The following CENPC variants were observed in gnomAD, a reference collection of about 807,000 sequenced individuals.
CENPC encodes CENP-C 1.
In CENPC, 63 loss-of-function variants were observed where a neutral mutation model predicts 112.1. The ratio of observed to expected loss-of-function variants is 0.56; its 90% CI spans 0.46 to 0.69. The LOEUF (loss-of-function observed/expected upper bound fraction) is 0.69. Ranked by LOEUF, CENPC falls within the 30% of genes least tolerant of loss-of-function variation. The pLI is 0.00. For missense variants in CENPC, 1,000 were observed against 1,103.8 expected (o/e 0.91, Z 1.33); for synonymous variants, 333 against 367.6 (o/e 0.91, Z 1.08).
At chr4:67,528,546 C>CATGTAAG (rs1726453041) in intron 5 of CENPC, among the ~76,000 whole-genome samples, 2 of 152,158 alleles carry the variant, frequency 1.3e-5, no homozygotes, top group South Asian at 4.1e-4. Flanking sequence ...ATAAATACCT[C>CATGTAAG]ATGTAAGTAG....
chr4:67,534,676 G>C (rs957961969), intron 4 of CENPC, among the ~76,000 whole-genome samples: 1 of 152,138 alleles, frequency 6.6e-6, no homozygotes, highest in African/African-American at 2.4e-5. Context: ...TACTTACTAG[G>C]CCAAGAGAAA....
At chr4:67,497,399 T>C (rs1052396303) in intron 12 of CENPC, among the ~76,000 whole-genome samples, 8 of 151,990 alleles carry the variant, frequency 5.3e-5, no homozygotes, top group Admixed American at 3.3e-4. Context: ...TAAAAATAAA[T>C]AAATAAAAAT....
chr4:67,512,116 G>C (rs1455230246), intron 9 of CENPC: 1 of 258,232 alleles, frequency 3.9e-6, no homozygotes, highest in African/African-American at 2.3e-5. Flanking sequence ...CATTAAAATA[G>C]CTGGATTATT....
At chr4:67,516,430 A>G (rs1726058932) in intron 7 of CENPC, among the ~76,000 whole-genome samples, 2 of 152,032 alleles carry the variant, frequency 1.3e-5, no homozygotes. Flanking sequence ...ATGTTTAGCC[A>G]TAACAGAAAC....
In CENPC at chr4:67,472,603, T is replaced by C; in HGVS notation, c.*2A>G. 6.7e-7 allele frequency: 1 copy of C among 1,500,884 alleles called. No homozygotes were observed. The highest frequency in any genetic ancestry group is 8.8e-7 in the Non-Finnish European group (1 of 1,130,600). The allele number at this position is 1,500,884 out of a possible 1,614,324, so 93.0% of individuals were successfully genotyped here. A position where few individuals can be genotyped will look rare whatever the true frequency, so the allele number is the denominator to read the frequency against. On this transcript the variant is annotated 3_prime_UTR_variant, in exon 19 of 19. Transcript: ENST00000273853. ...TACATATATTTAAGGTTGGTTGATCTTTCATCTTTTTATCTGAGTAAAAAG... is the reference window on the plus strand; with the variant it reads ...TACATATATTTAAGGTTGGTTGATCCTTCATCTTTTTATCTGAGTAAAAAG...
intron 7 of CENPC, among the ~76,000 whole-genome samples, chr4:67,517,323 G>T (rs1436508140): frequency 6.6e-6 from 1 of 151,424 alleles, no homozygotes; most frequent in Non-Finnish European, 1.5e-5. Flanking sequence ...CACCAAGCCC[G>T]ACTAATTTTT....
intron 14 of CENPC, 70 bp from the exon 15 acceptor site, chr4:67,493,067 T>G (rs940886889): frequency 8.1e-7 from 1 of 1,236,580 alleles, no homozygotes; most frequent in African/African-American, 1.6e-5. Context: ...TCCTTAAATT[T>G]AATATGGCAC....
chr4:67,480,799 G>C (rs187244759), intron 17 of CENPC, among the ~76,000 whole-genome samples: 23 of 152,164 alleles, frequency 1.5e-4, no homozygotes, highest in African/African-American at 5.3e-4. Flanking sequence ...CATAACTCAA[G>C]GTAATAAAAG....
chr4:67,475,051 G>T, intron 17 of CENPC, 73 bp from the exon 18 acceptor site: 1 of 789,352 alleles, frequency 1.3e-6, no homozygotes, highest in Non-Finnish European at 2.0e-6. Context: ...TTAAAATGTA[G>T]TGGGAAGAAT....
chr4:67,529,171 G>A (rs147144500), intron 5 of CENPC, among the ~76,000 whole-genome samples: 35 of 151,970 alleles, frequency 2.3e-4, no homozygotes, highest in African/African-American at 8.4e-4. Context: ...CTTTTATTTG[G>A]GTTGTTTGGT....
intron 4 of CENPC, among the ~76,000 whole-genome samples, chr4:67,532,095 C>T (rs1207733787): frequency 6.6e-6 from 1 of 152,170 alleles, no homozygotes; most frequent in African/African-American, 2.4e-5. Context: ...AGGATATGAA[C>T]AGACACTTCT....
chr4:67,489,023 A>G (rs146041461), intron 17 of CENPC, among the ~76,000 whole-genome samples: 1 of 152,048 alleles, frequency 6.6e-6, no homozygotes, highest in African/African-American at 2.4e-5. Flanking sequence ...TAGTAGCACA[A>G]TTTCAGACTC....
At chr4:67,529,385 C>A (rs898413435) in intron 5 of CENPC, among the ~76,000 whole-genome samples, 2 of 151,986 alleles carry the variant, frequency 1.3e-5, no homozygotes, top group Admixed American at 1.3e-4. Context: ...AGTGCAGTGG[C>A]GCAATCTTCG....
In CENPC at chr4:67,539,850, G is replaced by C; in HGVS notation, c.221C>G (p.Pro74Arg). The change falls in exon 4 of 19, where the codon CCA (proline) becomes CGA (arginine). Residue 74 changes from proline (P) to arginine (R), a missense_variant. Pro to Arg is a moderately radical substitution (Grantham distance 103). Coordinates refer to ENST00000273853, the MANE Select transcript of CENPC (RefSeq NM_001812.4). ...RKIKDTCIQS[P>R]SKECQKSHPK... ...TTCTTTATCACTTACCTCTTTGCTT[G>C]GTGACTGAATACAAGTGTCTTTTAT... The C allele has an allele frequency of 6.6e-7, 1 of 1,516,892 alleles. No homozygotes were observed. Among genetic ancestry groups the C allele is most frequent in the Non-Finnish European group, 8.9e-7 (1 of 1,128,272 alleles). The allele number at this position is 1,516,892 out of a possible 1,614,324, so 94.0% of individuals were successfully genotyped here.
intron 17 of CENPC, among the ~76,000 whole-genome samples, chr4:67,477,056 C>T (rs932960520): frequency 6.6e-6 from 1 of 152,130 alleles, no homozygotes; most frequent in African/African-American, 2.4e-5. Context: ...CTAATCAATC[C>T]TACCTGCACC....
chr4:67,501,650 G>T (rs1725593327), intron 12 of CENPC, among the ~76,000 whole-genome samples: 1 of 152,184 alleles, frequency 6.6e-6, no homozygotes, highest in South Asian at 2.1e-4. Flanking sequence ...AATGGAGTCT[G>T]TGAATGAACC....
At position 67,495,246 on chromosome 4, in the gene CENPC, G is replaced by T. The variant is rs1422470621; in HGVS notation, c.2132-34C>A. 7 of 1,468,090 alleles carry T rather than the reference G, an allele frequency of 4.8e-6. No individual in the cohort carries two copies. In the South Asian group the frequency reaches 6.7e-5, roughly 14 times the overall value. 90.9% of individuals were successfully genotyped at this position (1,468,090 alleles called of 1,614,324 possible). A position where few individuals can be genotyped will look rare whatever the true frequency, so the allele number is the denominator to read the frequency against. On this transcript the variant is annotated intron_variant, in intron 12 of 18. Coordinates refer to ENST00000273853, the MANE Select transcript of CENPC (RefSeq NM_001812.4). ...TGCAAAAGATAATATCATAAGAAAT[G>T]ACTGCTAATTCCATGTTAAATTAAA...
chr4:67,483,128 C>T (rs958439127), intron 17 of CENPC, among the ~76,000 whole-genome samples: 1 of 152,188 alleles, frequency 6.6e-6, no homozygotes, highest in Non-Finnish European at 1.5e-5. Flanking sequence ...TTTCCTGAGG[C>T]ACCCCCAGCC....
chr4:67,519,285 A>C lies in CENPC; in HGVS notation c.549T>G (p.Thr183=). 1 of 1,611,358 alleles carries C rather than the reference A, an allele frequency of 6.2e-7. No individual in the cohort carries two copies. Among genetic ancestry groups the C allele is most frequent in the Non-Finnish European group, 8.5e-7 (1 of 1,178,374 alleles). ...VIPSSAQKRE[T]YTFENSVNML... ...TATTTACTGAATTTTCAAAAGTGTA[A>C]GTCTCTCTCTTTTGGGCACTAGATG... Residue 183 remains threonine, a synonymous_variant, in exon 6 of 19, where the codon ACT becomes ACG. Coordinates refer to ENST00000273853, the MANE Select transcript of CENPC (RefSeq NM_001812.4).
Sources: gnomAD v4.1 joint callset for allele counts (sites outside exome capture counted in the v4.1 genomes callset) on GRCh38, gnomAD v4.1.1 for gene constraint, MANE v1.5 for transcripts, NCBI Gene and HGNC (gene_info 2026-07-23, HGNC 2026-07-21) for gene names.